Variants in ATP10A observed in about 807,000 individuals in gnomAD.
ATP10A encodes the protein ATPase phospholipid transporting 10A (putative), also known as phospholipid-transporting ATPase VA.
Under a neutral mutation model 147.8 loss-of-function variants are expected in ATP10A, and 111 were observed. That is an observed-to-expected ratio of 0.75 (90% CI 0.64 to 0.88). The LOEUF is 0.88. Among genes scored for constraint, ATP10A ranks in the 40% least tolerant of loss-of-function variants. The pLI is 0.00. For synonymous variants in ATP10A, 875 were observed against 841.6 expected (o/e 1.04, Z -0.69); for missense variants, 1,927 against 1,959.0 (o/e 0.98, Z 0.31).
At chr15:25,819,697 C>T (rs996616274) in intron 1 of ATP10A, among the ~76,000 whole-genome samples, 1 of 152,064 alleles carries the variant, frequency 6.6e-6, no homozygotes, top group Admixed American at 6.6e-5. Context: ...CAAAGGATAA[C>T]TGGATAAAGA....
At chr15:25,861,077 G>A (rs1414060437) in intron 1 of ATP10A, among the ~76,000 whole-genome samples, 1 of 152,130 alleles carries the variant, frequency 6.6e-6, no homozygotes, top group Non-Finnish European at 1.5e-5. Flanking sequence ...ACAGGGGCCA[G>A]GAAATCCCAC....
chr15:25,863,425 C>G (rs1597017246), upstream of ATP10A, among the ~76,000 whole-genome samples: 2 of 152,136 alleles, frequency 1.3e-5, no homozygotes, highest in Admixed American at 6.5e-5. Context: ...GTTCCGCGCC[C>G]GGACTGGGCC....
chr15:25,787,807 G>A lies in ATP10A; in HGVS notation c.450-6584C>T, dbSNP rs191298707. On this transcript the variant is annotated intron_variant, in intron 1 of 20. Transcript: ENST00000555815. ...CCAAGATCAGGAGTCACCAAACTGTGTTTTTTTTGCTACAAACTGGGAAGT... is the reference window on the plus strand; with the variant it reads ...CCAAGATCAGGAGTCACCAAACTGTATTTTTTTTGCTACAAACTGGGAAGT... 1.1e-4 allele frequency among the ~76,000 whole-genome samples: 16 copies of A among 151,770 alleles called. No homozygotes were observed. The South Asian group carries it at 3.1e-3, about 30-fold the overall frequency.
At chr15:25,672,916 G>A (rs1335069998), downstream of ATP10A, among the ~76,000 whole-genome samples, 10 of 152,150 alleles carry the variant, frequency 6.6e-5, no homozygotes, top group Non-Finnish European at 2.9e-5. Flanking sequence ...CGAGGTGTGC[G>A]GAGGGTTACT....
At chr15:25,755,848 G>A (rs1471072090) in intron 2 of ATP10A, among the ~76,000 whole-genome samples, 1 of 152,298 alleles carries the variant, frequency 6.6e-6, no homozygotes, top group African/African-American at 2.4e-5. Context: ...CTGAAATTTA[G>A]TTAGCTAATT....
intron 17 of ATP10A, among the ~76,000 whole-genome samples, chr15:25,682,835 G>A (rs1483412179): frequency 6.6e-6 from 1 of 152,214 alleles, no homozygotes; most frequent in East Asian, 1.9e-4. Context: ...TTTAATGGCT[G>A]GCTAGAAACA....
chr15:25,797,225 CTGTG>C (rs1322931202), intron 1 of ATP10A, among the ~76,000 whole-genome samples: 1 of 152,176 alleles, frequency 6.6e-6, no homozygotes, highest in Non-Finnish European at 1.5e-5. Flanking sequence ...GTGTTTGTCT[CTGTG>C]TGGCTGGCTT....
rs773280944 is a variant in ATP10A at position 25,721,750 on chromosome 15, T to G, written c.1270A>C (p.Ile424Leu). ...ITEDLGQIQY[I>L]FSDKTGTLTE... ...AAAGTGCCAGTTTTATCTGAGAAAA[T>G]GTACTGTATCTGTCCTAAGTCTTCC... is the stretch of plus-strand genomic sequence containing the variant. The change falls in exon 7 of 21, where the codon ATT (isoleucine) becomes CTT (leucine). Residue 424 changes from isoleucine (I) to leucine (L), a missense_variant. Transcript: ENST00000555815. 16 of 1,614,016 alleles carry G rather than the reference T, an allele frequency of 9.9e-6. No individual in the cohort carries two copies. In the Admixed American group the frequency reaches 2.5e-4, roughly 25 times the overall value.
At chr15:25,823,150 A>C (rs937154327) in intron 1 of ATP10A, among the ~76,000 whole-genome samples, 2 of 152,210 alleles carry the variant, frequency 1.3e-5, no homozygotes, top group African/African-American at 4.8e-5. Context: ...GAAAGCACAC[A>C]GTGTTTTTAA....
chr15:25,853,576 G>A (rs1306834669), intron 1 of ATP10A, among the ~76,000 whole-genome samples: 1 of 152,156 alleles, frequency 6.6e-6, no homozygotes. Context: ...GACACTGCCA[G>A]TCACTGTGAT....
At chr15:25,766,877 A>G (rs1047203200) in intron 2 of ATP10A, among the ~76,000 whole-genome samples, 24 of 149,846 alleles carry the variant, frequency 1.6e-4, no homozygotes, top group African/African-American at 9.9e-5. Flanking sequence ...GGTTTTGTCC[A>G]TACTTTAAAC....
intron 10 of ATP10A, among the ~76,000 whole-genome samples, chr15:25,711,960 C>T (rs1901449040): frequency 6.6e-6 from 1 of 152,182 alleles, no homozygotes; most frequent in Non-Finnish European, 1.5e-5. Flanking sequence ...CCCTGGCTCA[C>T]TCAGGGGCCT....
chr15:25,743,148 G>A (rs1294727073), intron 2 of ATP10A, among the ~76,000 whole-genome samples: 1 of 152,178 alleles, frequency 6.6e-6, no homozygotes, highest in Non-Finnish European at 1.5e-5. Flanking sequence ...CAGGGCCATT[G>A]GTAGCCACAT....
chr15:25,783,477 A>C (rs1318585832), intron 1 of ATP10A, among the ~76,000 whole-genome samples: 14 of 145,404 alleles, frequency 9.6e-5, no homozygotes, highest in South Asian at 2.1e-4. Flanking sequence ...GATTTGAGGG[A>C]CCCCCCCCTG....
chr15:25,860,333 C>T (rs574230351), intron 1 of ATP10A, among the ~76,000 whole-genome samples: 2 of 152,316 alleles, frequency 1.3e-5, no homozygotes, highest in South Asian at 2.1e-4. Context: ...CCTCGCCAGA[C>T]ATGGAGCCTG....
At chr15:25,798,073 C>G (rs1890766011) in intron 1 of ATP10A, among the ~76,000 whole-genome samples, 1 of 152,114 alleles carries the variant, frequency 6.6e-6, no homozygotes, top group Non-Finnish European at 1.5e-5. Context: ...GCCTAGTTAA[C>G]TGGAAGAGGG....
At chr15:25,742,744 G>C (rs568933321) in intron 2 of ATP10A, among the ~76,000 whole-genome samples, 17 of 152,304 alleles carry the variant, frequency 1.1e-4, no homozygotes, top group Admixed American at 6.5e-4. Context: ...AGTAGGTAAC[G>C]AGAGTTGTTT....
At chr15:25,828,386 T>C (rs574142276) in intron 1 of ATP10A, among the ~76,000 whole-genome samples, 6 of 152,304 alleles carry the variant, frequency 3.9e-5, no homozygotes, top group African/African-American at 1.4e-4. Flanking sequence ...GTACAGACCA[T>C]AAGCTAAGCC....
intron 2 of ATP10A, among the ~76,000 whole-genome samples, chr15:25,766,316 C>A (rs186601941): frequency 2.0e-5 from 3 of 152,150 alleles, no homozygotes; most frequent in Admixed American, 2.0e-4. Context: ...AAACTGAGGC[C>A]CAGAGAGGTC....
Sources: allele counts gnomAD v4.1 joint callset (sites outside exome capture counted in the v4.1 genomes callset), GRCh38; gene constraint gnomAD v4.1.1; transcripts MANE v1.5; gene names NCBI Gene and HGNC (gene_info 2026-07-23, HGNC 2026-07-21).